Variants in TDRD6 observed in about 807,000 individuals in gnomAD.
TDRD6 encodes tudor domain containing 6.
A neutral mutation model predicts 157.5 loss-of-function variants in TDRD6; 186 were observed. The observed-to-expected ratio is 1.18, with a 90% CI of 1.05 to 1.33. The LOEUF is 1.33. Ranked by LOEUF, TDRD6 falls within the 40% of genes most tolerant of loss-of-function variation. The probability of loss-of-function intolerance (pLI) is 0.00; values close to 1 mark genes in which losing one functional copy is unlikely to be tolerated. For synonymous variants in TDRD6, 1,075 were observed against 945.2 expected (o/e 1.14, Z -2.52); for missense variants, 3,066 against 2,508.0 (o/e 1.22, Z -4.75).
Position 46,698,060 on chromosome 6 carries a change from A to G in TDRD6, c.6234A>G (p.Ile2078Met), listed in dbSNP as rs1168013288. 7 of 1,610,330 alleles carry G rather than the reference A, an allele frequency of 4.3e-6. No homozygotes were observed. In the East Asian group the frequency reaches 1.6e-4, roughly 36 times the overall value. Residue 2078 changes from isoleucine to methionine, a missense_variant, in exon 3 of 4, where the codon ATA (isoleucine) becomes ATG (methionine). Physicochemically the swap from Ile to Met is conservative, Grantham distance 10. Coordinates refer to ENST00000316081, the MANE Select transcript of TDRD6 (RefSeq NM_001010870.3). ...IVNPENVWNG[I>M]PKLDKSPPEK... is the part of the protein sequence containing the mutation. ...ACCCTGAGAATGTCTGGAATGGCAT[A>G]CCCAAATTGGATAAGAGTCCACCTG...
intron 3 of TDRD6, among the ~76,000 whole-genome samples, chr6:46,700,173 T>C (rs1582553551): frequency 6.6e-6 from 1 of 152,196 alleles, no homozygotes; most frequent in African/African-American, 2.4e-5. Context: ...GATAAAGTTC[T>C]CTATGCCTGC....
intron 2 of TDRD6, among the ~76,000 whole-genome samples, chr6:46,696,938 A>G (rs911577302): frequency 1.3e-5 from 2 of 151,742 alleles, no homozygotes; most frequent in African/African-American, 4.8e-5. Flanking sequence ...ATAGATTCCT[A>G]CGCCTTGGCC....
chr6:46,689,932 C>G lies in TDRD6; in HGVS notation c.1804C>G (p.Leu602Val). 1.9e-6 allele frequency: 3 copies of G among 1,614,166 alleles called. No individual in the cohort carries two copies. The highest frequency in any genetic ancestry group is 2.5e-6 in the Non-Finnish European group (3 of 1,180,030). The change falls in exon 1 of 4, where the codon CTG becomes GTG. Residue 602 changes from leucine to valine, a missense_variant. Transcript: ENST00000316081. ...QLPILAVKCT[L>V]ADIWPLGKTW... ...ACCAATATTGGCTGTGAAGTGCACC[C>G]TGGCTGATATTTGGCCTTTGGGAAA...
upstream of TDRD6, among the ~76,000 whole-genome samples, chr6:46,686,037 GGGGGTAAA>G (rs1764083258): frequency 6.6e-6 from 1 of 152,142 alleles, no homozygotes; most frequent in Non-Finnish European, 1.5e-5. Context: ...CTGGGTGGAT[GGGGGTAAA>G]GGATTCAGAT....
At chr6:46,687,093 T>C (rs1486954897), upstream of TDRD6, among the ~76,000 whole-genome samples, 3 of 152,244 alleles carry the variant, frequency 2.0e-5, no homozygotes, top group Non-Finnish European at 2.9e-5. Context: ...TGGAAACTTC[T>C]AGTTTGCCTG....
chr6:46,689,372 T>G lies in TDRD6; in HGVS notation c.1244T>G (p.Phe415Cys). The G allele has an allele frequency of 4.3e-6, 7 of 1,614,030 alleles. No homozygotes were observed. The highest frequency in any genetic ancestry group is 5.9e-6 in the Non-Finnish European group (7 of 1,180,026). Residue 415 changes from phenylalanine (F) to cysteine (C), a missense_variant, in exon 1 of 4, where the codon TTT becomes TGT. Phe to Cys is a radical substitution (Grantham distance 205). Transcript: ENST00000316081. ...GCAAAGATTGAATTTTATTGCTCCT[T>G]TGAGCATGTGTATTATGTCAGCCTG... ...VNAKIEFYCS[F>C]EHVYYVSLYG...
At chr6:46,698,265 T>G (rs557187982) in intron 3 of TDRD6, among the ~76,000 whole-genome samples, 178 bp downstream of exon 3, 1 of 152,348 alleles carries the variant, frequency 6.6e-6, no homozygotes, top group East Asian at 1.9e-4. Context: ...AGTATTCTTC[T>G]GAGAAAACTA....
chr6:46,684,461 A>G (rs1236160568), upstream of TDRD6, among the ~76,000 whole-genome samples: 1 of 152,002 alleles, frequency 6.6e-6, no homozygotes, highest in Non-Finnish European at 1.5e-5. Flanking sequence ...GATACAGAAC[A>G]GTTCATCAGT....
At position 46,687,955 on chromosome 6, in the gene TDRD6, G is replaced by C. The variant is rs1473338727; in HGVS notation, c.-174G>C. ...TTACCAGTCCGTGGCGGGAGTCCCG[G>C]AGGACCCTCGACGGGGGAGTTGCCG... On this transcript the variant is annotated 5_prime_UTR_variant, in exon 1 of 4. Transcript: ENST00000316081. 1 of 1,063,670 alleles carries C rather than the reference G, an allele frequency of 9.4e-7. No homozygotes were observed. The highest frequency in any genetic ancestry group is 1.3e-6 in the Non-Finnish European group (1 of 790,272). 65.9% of individuals were successfully genotyped at this position (1,063,670 alleles called of 1,614,324 possible). A position where few individuals can be genotyped will look rare whatever the true frequency, so the allele number is the denominator to read the frequency against.
rs1203800630 is a variant in TDRD6 at position 46,693,116 on chromosome 6, T to C, written c.4988T>C (p.Leu1663Ser). ...TATGAAATAATAACAGAAGATGTGTTGGAAATAACAATACTAGAAATCAGA... is the reference window on the plus strand; with the variant it reads ...TATGAAATAATAACAGAAGATGTGTCGGAAATAACAATACTAGAAATCAGA... ...YFYEIITEDVLEITILEIRRD... is the reference protein window; with the variant it reads ...YFYEIITEDVSEITILEIRRD... The change falls in exon 1 of 4, where the codon TTG becomes TCG. Residue 1663 changes from leucine (L) to serine (S), a missense_variant. Coordinates refer to ENST00000316081, the MANE Select transcript of TDRD6 (RefSeq NM_001010870.3). 1.9e-6 allele frequency: 3 copies of C among 1,613,074 alleles called. No individual in the cohort carries two copies. Among genetic ancestry groups the C allele is most frequent in the Non-Finnish European group, 2.5e-6 (3 of 1,179,754 alleles).
At position 46,693,423 on chromosome 6, in the gene TDRD6, A is replaced by G; in HGVS notation, c.5295A>G (p.Pro1765=). 3 of 1,614,124 alleles carry G rather than the reference A, an allele frequency of 1.9e-6. No homozygotes were observed. Among genetic ancestry groups the G allele is most frequent in the Non-Finnish European group, 2.5e-6 (3 of 1,180,024 alleles). ...ATGTAAACATTATTGGAACCAAACC[A>G]AGTAACTTCCGTGACCCTAAAACTG... ...EKDVNIIGTK[P]SNFRDPKTDN... is the part of the protein sequence containing the mutation. Residue 1765 remains proline, a synonymous_variant, in exon 1 of 4, where the codon CCA becomes CCG. Coordinates refer to ENST00000316081, the MANE Select transcript of TDRD6 (RefSeq NM_001010870.3).
At chr6:46,695,494 G>T (rs1764466580) in intron 1 of TDRD6, among the ~76,000 whole-genome samples, 1 of 152,076 alleles carries the variant, frequency 6.6e-6, no homozygotes, top group Non-Finnish European at 1.5e-5. Flanking sequence ...CTTTCTTATA[G>T]AAATGGCTGT....
chr6:46,699,986 A>G (rs1170595072), intron 3 of TDRD6, among the ~76,000 whole-genome samples: 3 of 152,184 alleles, frequency 2.0e-5, no homozygotes, highest in Non-Finnish European at 4.4e-5. Flanking sequence ...ACTATAAAAA[A>G]TCAATGAATA....
At position 46,701,989 on chromosome 6, in the gene TDRD6, C is replaced by A; in HGVS notation, c.*102C>A. The A allele has an allele frequency of 7.3e-7, 1 of 1,365,046 alleles. No individual in the cohort carries two copies. The highest frequency in any genetic ancestry group is 1.3e-5 in the South Asian group (1 of 78,152). 84.6% of individuals were successfully genotyped at this position (1,365,046 alleles called of 1,614,324 possible). On this transcript the variant is annotated 3_prime_UTR_variant, in exon 4 of 4. Transcript: ENST00000316081. The stretch of plus-strand genomic sequence containing the variant: ...ATTTGAGAAAATTGAAAACATGTAA[C>A]CACAAGAAGTTGTCATTTTCAAAAA...
Position 46,693,132 on chromosome 6 carries a change from A to G in TDRD6, c.5004A>G (p.Leu1668=), listed in dbSNP as rs200177661. The change falls in exon 1 of 4, where the codon CTA becomes CTG. Residue 1668 remains leucine, a synonymous_variant. Transcript: ENST00000316081. ...AAGATGTGTTGGAAATAACAATACTAGAAATCAGAAGGGATGTTTGTGATA... is the reference window on the plus strand; with the variant it reads ...AAGATGTGTTGGAAATAACAATACTGGAAATCAGAAGGGATGTTTGTGATA... ...ITEDVLEITI[L]EIRRDVCDIP... The G allele has an allele frequency of 9.9e-6, 16 of 1,612,006 alleles. No homozygotes were observed. The highest frequency in any genetic ancestry group is 1.3e-5 in the Non-Finnish European group (15 of 1,179,302).
intron 3 of TDRD6, among the ~76,000 whole-genome samples, chr6:46,699,729 T>A (rs190030847): frequency 1.3e-5 from 2 of 152,348 alleles, no homozygotes; most frequent in African/African-American, 4.8e-5. Context: ...TTCACGTTTT[T>A]ACTTTAATTC....
Position 46,693,054 on chromosome 6 carries a change from A to G in TDRD6, c.4926A>G (p.Ser1642=). The change falls in exon 1 of 4, where the codon TCA becomes TCG. Residue 1642 remains serine, a synonymous_variant. Transcript: ENST00000316081. ...GTTGCCTCTCAGGGTTTAACATTTC[A>G]GAAGGATTATGTTCTCAAGAGGGAA... ...FPCCLSGFNI[S]EGLCSQEGND... is the part of the protein sequence containing the mutation. 1 of 1,613,886 alleles carries G rather than the reference A, an allele frequency of 6.2e-7. No individual in the cohort carries two copies. The highest frequency in any genetic ancestry group is 8.5e-7 in the Non-Finnish European group (1 of 1,179,932).
Position 46,691,001 on chromosome 6 carries a change from G to C in TDRD6, c.2873G>C (p.Arg958Thr). 1 of 1,613,956 alleles carries C rather than the reference G, an allele frequency of 6.2e-7. No homozygotes were observed. Among genetic ancestry groups the C allele is most frequent in the Non-Finnish European group, 8.5e-7 (1 of 1,179,940 alleles). Reference sequence around the variant, plus strand: ...TTCTTGGTAGAAAAGAGACTTGCAAGACCAGTAAAACTTCAGAAGCCTTTG... The same window carrying C: ...TTCTTGGTAGAAAAGAGACTTGCAACACCAGTAAAACTTCAGAAGCCTTTG... ...CHFLVEKRLARPVKLQKPLES... is the reference protein window; with the variant it reads ...CHFLVEKRLATPVKLQKPLES... Residue 958 changes from arginine (R) to threonine (T), a missense_variant, in exon 1 of 4, where the codon AGA becomes ACA. Arg to Thr is a moderately conservative substitution (Grantham distance 71). Coordinates refer to ENST00000316081, the MANE Select transcript of TDRD6 (RefSeq NM_001010870.3).
rs1764385692 is a variant in TDRD6 at position 46,693,020 on chromosome 6, C to T, written c.4892C>T (p.Ala1631Val). 6.2e-7 allele frequency: 1 copy of T among 1,613,074 alleles called. No individual in the cohort carries two copies. The highest frequency in any genetic ancestry group is 1.3e-5 in the African/African-American group (1 of 74,812). The change falls in exon 1 of 4, where the codon GCC becomes GTC. Residue 1631 changes from alanine (A) to valine (V), a missense_variant. Physicochemically the swap from Ala to Val is moderately conservative, Grantham distance 64. Coordinates refer to ENST00000316081, the MANE Select transcript of TDRD6 (RefSeq NM_001010870.3). The stretch of plus-strand genomic sequence containing the variant: ...GAACTTCTGTCGGTTCCCATGCAAG[C>T]CTTTCCATGTTGCCTCTCAGGGTTT... The part of the protein sequence containing the change: ...PSELLSVPMQ[A>V]FPCCLSGFNI...
Sources: allele counts gnomAD v4.1 joint callset (sites outside exome capture counted in the v4.1 genomes callset), GRCh38; gene constraint gnomAD v4.1.1; transcripts MANE v1.5; gene names NCBI Gene and HGNC (gene_info 2026-07-23, HGNC 2026-07-21).